The following VMP1 variants were observed in gnomAD, a reference collection of about 807,000 sequenced individuals.
VMP1 encodes ectopic P-granules autophagy protein 3 homolog.
In VMP1, 11 loss-of-function variants were observed where a neutral mutation model predicts 56.0. That is an observed-to-expected ratio of 0.20 (90% CI 0.12 to 0.32). The LOEUF (loss-of-function observed/expected upper bound fraction) is 0.32. Among genes scored for constraint, VMP1 ranks in the 10% least tolerant of loss-of-function variants. The probability of loss-of-function intolerance (pLI) is 1.00; values close to 1 mark genes in which losing one functional copy is unlikely to be tolerated. For missense variants in VMP1, 296 were observed against 490.3 expected, an observed-to-expected ratio of 0.60 and a Z score of 3.74; for synonymous variants, 149 against 165.0, an observed-to-expected ratio of 0.90 and a Z score of 0.74.
intron 6 of VMP1, among the ~76,000 whole-genome samples, chr17:59,768,778 C>T (rs2036323912): frequency 6.6e-6 from 1 of 151,888 alleles, no homozygotes; most frequent in Non-Finnish European, 1.5e-5. Context: ...GTCAGAAGTT[C>T]AAGACCAGCC....
At chr17:59,734,715 G>A (rs975581921) in intron 2 of VMP1, among the ~76,000 whole-genome samples, 3 of 151,864 alleles carry the variant, frequency 2.0e-5, no homozygotes, top group Non-Finnish European at 4.4e-5. Context: ...CTTGGGCAAC[G>A]GAATGGAGAC....
At position 59,840,118 on chromosome 17, in the gene VMP1, C is replaced by A; in HGVS notation, c.*207C>A. Reference sequence around the variant, plus strand: ...GGTATCCACCCTCGATGCAATCCACCTTGTGTTTTCTTAGGGTGGAATGTG... The same window carrying A: ...GGTATCCACCCTCGATGCAATCCACATTGTGTTTTCTTAGGGTGGAATGTG... On this transcript the variant is annotated 3_prime_UTR_variant, in exon 12 of 12. Transcript: ENST00000262291. 1.8e-6 allele frequency: 1 copy of A among 545,514 alleles called. No homozygotes were observed. The highest frequency in any genetic ancestry group is 3.1e-6 in the Non-Finnish European group (1 of 323,222). The allele number at this position is 545,514 out of a possible 1,614,324, so 33.8% of individuals were successfully genotyped here. A position where few individuals can be genotyped will look rare whatever the true frequency, so the allele number is the denominator to read the frequency against.
At chr17:59,791,763 C>T (rs2144123517) in intron 7 of VMP1, among the ~76,000 whole-genome samples, 1 of 152,192 alleles carries the variant, frequency 6.6e-6, no homozygotes, top group Admixed American at 6.5e-5. Context: ...CATGCCTGGC[C>T]CCATTGTTTT....
intron 10 of VMP1, among the ~76,000 whole-genome samples, chr17:59,825,164 G>A (rs1322234637): frequency 7.6e-6 from 1 of 131,858 alleles, no homozygotes; most frequent in Non-Finnish European, 1.5e-5. Flanking sequence ...TCGACCCACT[G>A]CAACCTCTGC....
intron 2 of VMP1, among the ~76,000 whole-genome samples, chr17:59,732,491 C>G (rs1021005273): frequency 6.6e-6 from 1 of 152,216 alleles, no homozygotes; most frequent in Non-Finnish European, 1.5e-5. Flanking sequence ...GATCCACCCA[C>G]CTTGGCCTCC....
At chr17:59,807,095 G>A (rs1262358315) in intron 7 of VMP1, among the ~76,000 whole-genome samples, 2 of 151,914 alleles carry the variant, frequency 1.3e-5, no homozygotes, top group Non-Finnish European at 2.9e-5. Flanking sequence ...CACAGATTCT[G>A]TGCCAATTAG....
chr17:59,835,493 G>GT (rs1175072049), intron 10 of VMP1, among the ~76,000 whole-genome samples: 6,398 of 134,712 alleles, frequency 0.047, 384 homozygotes, highest in African/African-American at 0.14. Flanking sequence ...GCAGTTTTTT[G>GT]TTTTTTTTTT....
In VMP1 at chr17:59,713,377, G is replaced by A. The variant is rs377146093; in HGVS notation, c.-27+5629G>A. 6.6e-5 allele frequency among the ~76,000 whole-genome samples: 10 copies of A among 152,102 alleles called. No homozygotes were observed. In the South Asian group the frequency reaches 1.2e-3, roughly 19 times the overall value. On this transcript the variant is annotated intron_variant, in intron 1 of 11. Coordinates refer to ENST00000262291, the MANE Select transcript of VMP1 (RefSeq NM_030938.5). ...TAACAAACCTGCACATTGTGCACAT[G>A]TACCCTAGAACTTAAAGTATAATAA...
chr17:59,712,569 C>G (rs2143695659), intron 1 of VMP1, among the ~76,000 whole-genome samples: 1 of 152,190 alleles, frequency 6.6e-6, no homozygotes, highest in South Asian at 2.1e-4. Flanking sequence ...ACACCAGGTT[C>G]TGGGGAAAAC....
At chr17:59,815,340 C>T (rs2038189080) in intron 9 of VMP1, among the ~76,000 whole-genome samples, 1 of 152,148 alleles carries the variant, frequency 6.6e-6, no homozygotes, top group South Asian at 2.1e-4. Flanking sequence ...CATACTCATT[C>T]ATGTTATTTC....
intron 10 of VMP1, among the ~76,000 whole-genome samples, chr17:59,823,826 G>A (rs1240586108): frequency 1.3e-5 from 2 of 152,052 alleles, no homozygotes; most frequent in Admixed American, 1.3e-4. Flanking sequence ...GTCTTTTGAA[G>A]GATATTTAAA....
chr17:59,804,181 T>C (rs901748725), intron 7 of VMP1, among the ~76,000 whole-genome samples: 1 of 152,014 alleles, frequency 6.6e-6, no homozygotes. Context: ...CTTTTAAAAC[T>C]ACAGAGCAAC....
Position 59,839,893 on chromosome 17 carries a change from A to C in VMP1, c.1203A>C (p.Ser401=). Reference sequence around the variant, plus strand: ...AACGAATCCAGCAGCGGTTGAACTCAGAGGAGAAAACTAAATAAGTAGAGA... The same window carrying C: ...AACGAATCCAGCAGCGGTTGAACTCCGAGGAGAAAACTAAATAAGTAGAGA... ...YAKRIQQRLN[S]EEKTK Residue 401 remains serine (S), a synonymous_variant, in exon 12 of 12, where the codon TCA becomes TCC. Coordinates refer to ENST00000262291, the MANE Select transcript of VMP1 (RefSeq NM_030938.5). The C allele has an allele frequency of 6.2e-7, 1 of 1,611,724 alleles. No individual in the cohort carries two copies. The highest frequency in any genetic ancestry group is 8.5e-7 in the Non-Finnish European group (1 of 1,179,596).
intron 5 of VMP1, among the ~76,000 whole-genome samples, chr17:59,750,301 A>AT (rs1243524540): frequency 2.1e-4 from 26 of 124,934 alleles, no homozygotes; most frequent in Non-Finnish European, 2.5e-4. Context: ...CACAATGAAT[A>AT]ATTTTTTTTT....
intron 10 of VMP1, among the ~76,000 whole-genome samples, chr17:59,832,625 G>T (rs973709266): frequency 1.1e-4 from 16 of 146,146 alleles, no homozygotes; most frequent in African/African-American, 4.1e-4. Flanking sequence ...ACAGAGTCTC[G>T]CTCTGTCGCC....
intron 2 of VMP1, among the ~76,000 whole-genome samples, chr17:59,734,706 T>C (rs9910518): frequency 0.26 from 39,816 of 151,936 alleles, 5,609 homozygotes; most frequent in East Asian, 0.44. Flanking sequence ...GCATTCCAGC[T>C]TGGGCAACGG....
intron 6 of VMP1, 67 bp downstream of exon 6, chr17:59,765,205 T>C: frequency 6.7e-7 from 1 of 1,497,802 alleles, no homozygotes; most frequent in East Asian, 2.3e-5. Flanking sequence ...TGTACCTTAT[T>C]GAAATGGAAT....
At chr17:59,742,301 G>A (rs1338277036) in intron 5 of VMP1, among the ~76,000 whole-genome samples, 2 of 151,976 alleles carry the variant, frequency 1.3e-5, no homozygotes, top group African/African-American at 4.8e-5. Context: ...TGAGACCACA[G>A]GTTCAAGAGC....
At chr17:59,816,572 G>T (rs1405311238) in intron 9 of VMP1, among the ~76,000 whole-genome samples, 1 of 152,164 alleles carries the variant, frequency 6.6e-6, no homozygotes, top group African/African-American at 2.4e-5. Flanking sequence ...TTGGGAGGCT[G>T]AGGTGGGCAG....
Sources: gnomAD v4.1 joint callset for allele counts (sites outside exome capture counted in the v4.1 genomes callset) on GRCh38, gnomAD v4.1.1 for gene constraint, MANE v1.5 for transcripts, NCBI Gene and HGNC (gene_info 2026-07-23, HGNC 2026-07-21) for gene names.